PTK2: variants seen among roughly 807,000 people sequenced by gnomAD.
PTK2 encodes the protein protein tyrosine kinase 2.
A neutral mutation model predicts 150.1 loss-of-function variants in PTK2; 45 were observed. The ratio of observed to expected loss-of-function variants is 0.30; its 90% CI spans 0.24 to 0.38. PTK2 has a LOEUF of 0.38. Among genes scored for constraint, PTK2 ranks in the 10% least tolerant of loss-of-function variants. The pLI is 1.00. For synonymous variants in PTK2, 432 were observed against 449.2 expected (o/e 0.96, Z 0.48); for missense variants, 919 against 1,307.3 (o/e 0.70, Z 4.58).
At chr8:140,694,677 C>T (rs1288590297) in intron 26 of PTK2, among the ~76,000 whole-genome samples, 1 of 152,116 alleles carries the variant, frequency 6.6e-6, no homozygotes, top group Non-Finnish European at 1.5e-5. Flanking sequence ...CTAGCTCATG[C>T]CAAAGGCCAA....
At chr8:140,931,070 C>CAA (rs34438579) in intron 1 of PTK2, among the ~76,000 whole-genome samples, 157 of 111,656 alleles carry the variant, frequency 1.4e-3, no homozygotes, top group East Asian at 8.0e-3. Context: ...GACTCTGTCT[C>CAA]AAAAAAAAAA....
chr8:140,739,047 A>G, exon 21 of PTK2: 2 of 1,581,622 alleles, frequency 1.3e-6, no homozygotes, highest in Non-Finnish European at 1.7e-6. Flanking sequence ...AGCTGAGGTA[A>G]AACGTCGAAA....
At chr8:140,733,008 C>G (rs940950543) in intron 22 of PTK2, among the ~76,000 whole-genome samples, 23 of 152,284 alleles carry the variant, frequency 1.5e-4, no homozygotes, top group African/African-American at 5.3e-4. Context: ...ACTGTGGAAG[C>G]CTTTACCCAA....
intron 5 of PTK2, among the ~76,000 whole-genome samples, chr8:140,862,201 T>C (rs2100136596): frequency 6.6e-6 from 1 of 152,160 alleles, no homozygotes; most frequent in African/African-American, 2.4e-5. Context: ...TGGAAATCAA[T>C]GTTACTAAAG....
chr8:140,734,644 C>T, intron 22 of PTK2: 1 of 464,220 alleles, frequency 2.2e-6, no homozygotes, highest in Non-Finnish European at 4.3e-6. Flanking sequence ...GTAGTAGCCA[C>T]AAAATGGCAC....
intron 4 of PTK2, among the ~76,000 whole-genome samples, chr8:140,865,459 T>C (rs1046029245): frequency 1.8e-4 from 28 of 152,374 alleles, no homozygotes; most frequent in African/African-American, 6.7e-4. Context: ...TATTCTAGAT[T>C]TGAGGCCTTT....
chr8:140,814,814 G>C (rs548463420), intron 10 of PTK2, among the ~76,000 whole-genome samples: 1 of 142,348 alleles, frequency 7.0e-6, no homozygotes, highest in Non-Finnish European at 1.5e-5. Flanking sequence ...TCGCTCTGTT[G>C]CCCAGGCTGG....
intron 29 of PTK2, among the ~76,000 whole-genome samples, chr8:140,672,842 G>A (rs1722072728): frequency 6.6e-6 from 1 of 152,230 alleles, no homozygotes; most frequent in Non-Finnish European, 1.5e-5. Context: ...CAAGCCTGCG[G>A]CCAAGCACAG....
At chr8:140,682,634 T>TA (rs398068343) in intron 27 of PTK2, among the ~76,000 whole-genome samples, 6,267 of 125,426 alleles carry the variant, frequency 0.05, 326 homozygotes, top group African/African-American at 0.14. Flanking sequence ...TATAGCTAAT[T>TA]AAAAAAAAAA....
In PTK2 at chr8:140,670,486, AC is replaced by A. The variant is rs1483872938; in HGVS notation, c.2710-2063del. ...AAAAAAAAAAAAAAAAAAAAAAACAACAACACACACACACACACACACACAC... is the reference window on the plus strand; with the variant it reads ...AAAAAAAAAAAAAAAAAAAAAAACAAAACACACACACACACACACACACAC... On this transcript the variant is annotated intron_variant, in intron 29 of 31. Coordinates refer to ENST00000522684, the Ensembl canonical transcript of PTK2. Among the ~76,000 whole-genome samples, 12 of 32,664 alleles carry A rather than the reference AC, an allele frequency of 3.7e-4. 2 individuals carry two copies. The highest frequency in any genetic ancestry group is 6.2e-4 in the Non-Finnish European group (9 of 14,430). 21.4% of individuals were successfully genotyped at this position (32,664 alleles called of 152,430 possible).
rs114056547 is a variant in PTK2 at position 140,920,277 on chromosome 8, T to C, written c.-33+5384A>G. ...CTTGAATGTTACAATGAAAATGCTA[T>C]TATTTTATATTTACATTTTTATGTG... On this transcript the variant is annotated intron_variant, in intron 2 of 31. Coordinates refer to ENST00000522684, the Ensembl canonical transcript of PTK2. Among the ~76,000 whole-genome samples the C allele has an allele frequency of 6.4e-3, 981 of 152,242 alleles. 6 individuals are homozygous for C. Among genetic ancestry groups the C allele is most frequent in the African/African-American group, 0.023 (939 of 41,560 alleles).
intron 1 of PTK2, among the ~76,000 whole-genome samples, chr8:140,994,297 A>C (rs1423531343): frequency 6.6e-6 from 1 of 152,204 alleles, no homozygotes; most frequent in African/African-American, 2.4e-5. Context: ...CCATTTCATT[A>C]GAGTATTTAT....
At chr8:140,745,124 A>G (rs1480145414) in intron 18 of PTK2, among the ~76,000 whole-genome samples, 1 of 152,218 alleles carries the variant, frequency 6.6e-6, no homozygotes, top group East Asian at 1.9e-4. Context: ...CTATCCAAAC[A>G]AGGCTAATAC....
chr8:140,880,477 C>T (rs1354861404), intron 3 of PTK2, among the ~76,000 whole-genome samples: 5 of 152,182 alleles, frequency 3.3e-5, no homozygotes, highest in Non-Finnish European at 7.3e-5. Context: ...ATGACAGAAC[C>T]ATTTGCTGTC....
At chr8:140,735,126 T>C (rs937634846) in intron 22 of PTK2, 125 bp downstream of exon 25, 15 of 882,302 alleles carry the variant, frequency 1.7e-5, no homozygotes, top group South Asian at 6.8e-5. Flanking sequence ...AGTAATTGCA[T>C]TTGAACGAAA....
chr8:140,844,551 A>C (rs2100124218), intron 7 of PTK2, among the ~76,000 whole-genome samples: 1 of 152,114 alleles, frequency 6.6e-6, no homozygotes, highest in South Asian at 2.1e-4. Context: ...AGCTTTTGTC[A>C]CTGGGAACTC....
chr8:140,978,807 C>T, intron 1 of PTK2, among the ~76,000 whole-genome samples: 1 of 119,494 alleles, frequency 8.4e-6, no homozygotes, highest in African/African-American at 2.6e-5. Flanking sequence ...AAGACACATG[C>T]ACACATGTTT....
Position 140,846,007 on chromosome 8 carries a change from T to A in PTK2, c.593+253A>T, listed in dbSNP as rs942608349. ...GAATTCAATATAAATTAGAAAAAAATATCATCTTGCAATGATTAAATCTAC... is the reference window on the plus strand; with the variant it reads ...GAATTCAATATAAATTAGAAAAAAAAATCATCTTGCAATGATTAAATCTAC... On this transcript the variant is annotated intron_variant, in intron 7 of 31. Transcript: ENST00000522684. Among the ~76,000 whole-genome samples the A allele has an allele frequency of 5.9e-5, 9 of 151,942 alleles. No individual in the cohort carries two copies. In the South Asian group the frequency reaches 1.2e-3, roughly 21 times the overall value.
At chr8:140,739,134 T>A (rs1194518564) in intron 20 of PTK2, 27 bp from the exon 24 acceptor site, 1 of 1,458,150 alleles carries the variant, frequency 6.9e-7, no homozygotes, top group African/African-American at 1.4e-5. Flanking sequence ...AGAAAATAAA[T>A]TTTCCTTGTT....
Sources: gnomAD v4.1 joint callset for allele counts (sites outside exome capture counted in the v4.1 genomes callset) on GRCh38, gnomAD v4.1.1 for gene constraint, MANE v1.5 for transcripts, NCBI Gene and HGNC (gene_info 2026-07-23, HGNC 2026-07-21) for gene names.